The following SPATS2L variants were observed in gnomAD, a reference collection of about 807,000 sequenced individuals.
SPATS2L encodes the protein spermatogenesis associated serine rich 2 like, also known as SPATS2-like protein.
SPATS2L carries 30 observed loss-of-function variants against 59.6 expected under a neutral mutation model. The ratio of observed to expected loss-of-function variants is 0.50; its 90% CI spans 0.38 to 0.68. The LOEUF (loss-of-function observed/expected upper bound fraction) is 0.68. SPATS2L is among the 30% of genes least tolerant of loss of function. The pLI is 0.00. For synonymous variants in SPATS2L, 252 were observed against 263.5 expected (o/e 0.96, Z 0.42); for missense variants, 615 against 700.0 (o/e 0.88, Z 1.37).
intron 1 of SPATS2L, among the ~76,000 whole-genome samples, chr2:200,325,001 G>A (rs1413990787): frequency 6.6e-6 from 1 of 151,948 alleles, no homozygotes; most frequent in African/African-American, 2.4e-5. Flanking sequence ...ATATATCCAA[G>A]GGCAACAACT....
chr2:200,366,513 C>G (rs1032990992), intron 2 of SPATS2L, among the ~76,000 whole-genome samples: 2 of 152,018 alleles, frequency 1.3e-5, no homozygotes, highest in Non-Finnish European at 1.5e-5. Flanking sequence ...ATTAAATAAA[C>G]TATCGTATAA....
chr2:200,333,598 C>G (rs2080033705), intron 2 of SPATS2L, among the ~76,000 whole-genome samples: 1 of 151,836 alleles, frequency 6.6e-6, no homozygotes, highest in Admixed American at 6.6e-5. Flanking sequence ...GTGTGCTGCA[C>G]CCATTAACTC....
chr2:200,445,273 A>C (rs2084958623), intron 8 of SPATS2L, among the ~76,000 whole-genome samples: 1 of 152,224 alleles, frequency 6.6e-6, no homozygotes. Context: ...AGGTCGTGCC[A>C]CTGCACTCCA....
At chr2:200,372,438 A>C (rs1395318048) in intron 2 of SPATS2L, among the ~76,000 whole-genome samples, 1 of 152,104 alleles carries the variant, frequency 6.6e-6, no homozygotes, top group Non-Finnish European at 1.5e-5. Context: ...ATAAGAAAGA[A>C]TGTGGCCCAG....
At chr2:200,464,166 G>A (rs1199778748) in intron 9 of SPATS2L, among the ~76,000 whole-genome samples, 1 of 152,248 alleles carries the variant, frequency 6.6e-6, no homozygotes, top group African/African-American at 2.4e-5. Flanking sequence ...TACAGGATCA[G>A]TGAAGCTTAA....
intron 6 of SPATS2L, among the ~76,000 whole-genome samples, chr2:200,422,243 A>G (rs1179825102): frequency 6.6e-6 from 1 of 152,230 alleles, no homozygotes; most frequent in African/African-American, 2.4e-5. Flanking sequence ...TTTTTCTGTT[A>G]AAGAGTAAAT....
intron 2 of SPATS2L, among the ~76,000 whole-genome samples, chr2:200,383,288 AAAG>A (rs2081883620): frequency 6.6e-6 from 1 of 152,234 alleles, no homozygotes; most frequent in Non-Finnish European, 1.5e-5. Flanking sequence ...AAAAAAGTGA[AAAG>A]AAGTGGATGA....
chr2:200,372,462 A>G (rs950285663), intron 2 of SPATS2L, among the ~76,000 whole-genome samples: 3 of 152,116 alleles, frequency 2.0e-5, no homozygotes, highest in African/African-American at 7.2e-5. Flanking sequence ...AGGGTATTCC[A>G]TGGTGGTTTG....
chr2:200,435,779 T>C (rs2084246867), intron 6 of SPATS2L, among the ~76,000 whole-genome samples: 1 of 152,170 alleles, frequency 6.6e-6, no homozygotes, highest in Non-Finnish European at 1.5e-5. Context: ...GTGTATCCTA[T>C]TAGTGTTATC....
At chr2:200,410,470 C>T (rs1378630450) in intron 3 of SPATS2L, among the ~76,000 whole-genome samples, 6 of 152,142 alleles carry the variant, frequency 3.9e-5, no homozygotes, top group Non-Finnish European at 7.4e-5. Context: ...GATCAAAATC[C>T]TTTGCACAGC....
chr2:200,429,910 C>T (rs1463983773), intron 6 of SPATS2L, among the ~76,000 whole-genome samples: 1 of 152,112 alleles, frequency 6.6e-6, no homozygotes, highest in Non-Finnish European at 1.5e-5. Context: ...GCTTGGAGTA[C>T]AATTTCCCAC....
At chr2:200,362,042 C>A (rs1041242721) in intron 2 of SPATS2L, among the ~76,000 whole-genome samples, 2 of 151,974 alleles carry the variant, frequency 1.3e-5, no homozygotes, top group African/African-American at 4.8e-5. Flanking sequence ...GAGTTCAAGA[C>A]CAGCCTGGGC....
Position 200,311,147 on chromosome 2 carries a change from A to G in SPATS2L, c.-73+4225A>G, listed in dbSNP as rs527364897. Among the ~76,000 whole-genome samples the G allele has an allele frequency of 2.6e-5, 4 of 152,344 alleles. No individual in the cohort carries two copies. In the East Asian group the frequency reaches 7.7e-4, roughly 29 times the overall value. ...TGATACTGACTCTGAACTGCTCACC[A>G]TTGGGTCCTCAGAGCCTAACTCATA... On this transcript the variant is annotated intron_variant, in intron 1 of 12. Coordinates refer to ENST00000409140, the MANE Select transcript of SPATS2L (RefSeq NM_001100423.2).
chr2:200,468,587 C>T (rs1011359475), intron 10 of SPATS2L, among the ~76,000 whole-genome samples: 22 of 152,162 alleles, frequency 1.4e-4, no homozygotes, highest in Admixed American at 9.8e-4. Context: ...GTGCTGAGGG[C>T]GTCAGTGGCC....
At chr2:200,317,502 T>C (rs1248482537) in intron 1 of SPATS2L, among the ~76,000 whole-genome samples, 1 of 152,212 alleles carries the variant, frequency 6.6e-6, no homozygotes, top group African/African-American at 2.4e-5. Flanking sequence ...AATAATTTTA[T>C]AGACCTTTCC....
intron 2 of SPATS2L, among the ~76,000 whole-genome samples, chr2:200,365,261 T>C (rs295130): frequency 0.92 from 140,134 of 152,300 alleles, 64,681 homozygotes; most frequent in Middle Eastern, 0.97. Context: ...ACTTCCATTT[T>C]CTGCTGAGGA....
intron 1 of SPATS2L, among the ~76,000 whole-genome samples, chr2:200,322,525 T>A (rs1227737618): frequency 2.0e-5 from 3 of 152,196 alleles, no homozygotes; most frequent in Non-Finnish European, 2.9e-5. Flanking sequence ...AGAGACAAAG[T>A]ATACTAGGAT....
chr2:200,405,805 T>C (rs899682329), intron 3 of SPATS2L, among the ~76,000 whole-genome samples: 1 of 152,212 alleles, frequency 6.6e-6, no homozygotes, highest in Non-Finnish European at 1.5e-5. Flanking sequence ...GCTTGATTGC[T>C]GTCCTTATCA....
intron 9 of SPATS2L, 36 bp from the exon 10 acceptor site, chr2:200,467,254 T>A: frequency 7.4e-7 from 1 of 1,355,896 alleles, no homozygotes; most frequent in Non-Finnish European, 1.1e-6. Flanking sequence ...TGTTTCAATC[T>A]CTGGCCCTAA....
Sources: allele counts gnomAD v4.1 joint callset (sites outside exome capture counted in the v4.1 genomes callset), GRCh38; gene constraint gnomAD v4.1.1; transcripts MANE v1.5; gene names NCBI Gene and HGNC (gene_info 2026-07-23, HGNC 2026-07-21).